Variants in CSMD3 observed in about 807,000 individuals in gnomAD.
CSMD3 encodes CUB and sushi domain-containing protein 3.
CSMD3 carries 177 observed loss-of-function variants against 435.2 expected under a neutral mutation model. The ratio of observed to expected loss-of-function variants is 0.41; its 90% CI spans 0.36 to 0.46. The LOEUF (loss-of-function observed/expected upper bound fraction) is 0.46. Ranked by LOEUF, CSMD3 falls within the 20% of genes least tolerant of loss-of-function variation. CSMD3 has a pLI of 0.34. For synonymous variants in CSMD3, 1,656 were observed against 1,520.5 expected, an observed-to-expected ratio of 1.09 and a Z score of -2.07; for missense variants, 4,265 against 4,504.6, an observed-to-expected ratio of 0.95 and a Z score of 1.52.
At chr8:112,991,851 T>C (rs1333677819) in intron 6 of CSMD3, among the ~76,000 whole-genome samples, 2 of 151,936 alleles carry the variant, frequency 1.3e-5, no homozygotes, top group Admixed American at 1.3e-4. Flanking sequence ...TACTTTCGTT[T>C]TTTTGCAAAG....
chr8:112,317,436 A>G (rs1172788263), intron 47 of CSMD3, among the ~76,000 whole-genome samples: 1 of 152,016 alleles, frequency 6.6e-6, no homozygotes, highest in Non-Finnish European at 1.5e-5. Flanking sequence ...GCTCATTGAC[A>G]TATCCTGTGT....
At chr8:113,046,824 T>C (rs1248153588) in intron 5 of CSMD3, among the ~76,000 whole-genome samples, 2 of 152,206 alleles carry the variant, frequency 1.3e-5, no homozygotes. Context: ...TCTCCAGTTC[T>C]CACACTTTAC....
intron 13 of CSMD3, among the ~76,000 whole-genome samples, chr8:112,720,186 T>C (rs899542845): frequency 5.9e-5 from 9 of 152,234 alleles, no homozygotes; most frequent in Admixed American, 4.6e-4. Flanking sequence ...GTTTATTTCT[T>C]GCTATTCTTA....
intron 6 of CSMD3, among the ~76,000 whole-genome samples, chr8:112,990,135 A>G (rs989608598): frequency 6.6e-6 from 1 of 151,932 alleles, no homozygotes; most frequent in Non-Finnish European, 1.5e-5. Flanking sequence ...TTTATACGTT[A>G]CTCAGTCCCG....
At chr8:112,647,939 T>G (rs986257745) in intron 19 of CSMD3, among the ~76,000 whole-genome samples, 4 of 152,184 alleles carry the variant, frequency 2.6e-5, no homozygotes, top group Non-Finnish European at 5.9e-5. Flanking sequence ...AGTATCAGCA[T>G]ATGGTAAAAA....
chr8:113,175,357 T>C (rs2092332492), intron 3 of CSMD3, among the ~76,000 whole-genome samples: 1 of 151,992 alleles, frequency 6.6e-6, no homozygotes, highest in Non-Finnish European at 1.5e-5. Flanking sequence ...TTTAAAAATG[T>C]AGTTTTAGGT....
At chr8:112,881,318 C>T (rs747876202) in intron 10 of CSMD3, among the ~76,000 whole-genome samples, 3 of 151,784 alleles carry the variant, frequency 2.0e-5, no homozygotes, top group Non-Finnish European at 2.9e-5. Flanking sequence ...TATTTTTAAA[C>T]GAATTAAAGG....
At chr8:113,433,452 C>G (rs950700887) in intron 1 of CSMD3, among the ~76,000 whole-genome samples, 2 of 152,172 alleles carry the variant, frequency 1.3e-5, no homozygotes. Context: ...ACACCCGCGC[C>G]CCTCTCCAGT....
At chr8:112,381,181 C>T (rs1829433404) in intron 37 of CSMD3, among the ~76,000 whole-genome samples, 1 of 143,402 alleles carries the variant, frequency 7.0e-6, no homozygotes, top group Non-Finnish European at 1.6e-5. Flanking sequence ...TATTCTATAC[C>T]AGGTCAAGTG....
At chr8:113,303,461 A>C (rs199619617) in intron 2 of CSMD3, among the ~76,000 whole-genome samples, 77 of 151,890 alleles carry the variant, frequency 5.1e-4, no homozygotes, top group Admixed American at 1.8e-3. Context: ...CAAGTCAATC[A>C]TAAGCCAAAA....
intron 28 of CSMD3, among the ~76,000 whole-genome samples, chr8:112,516,734 A>G (rs1244680822): frequency 6.6e-6 from 1 of 152,172 alleles, no homozygotes; most frequent in Admixed American, 6.6e-5. Flanking sequence ...CCACTCTTTA[A>G]GCAATGGATA....
intron 1 of CSMD3, among the ~76,000 whole-genome samples, chr8:113,321,352 T>G (rs1001689988): frequency 1.3e-5 from 2 of 152,130 alleles, no homozygotes; most frequent in Non-Finnish European, 2.9e-5. Context: ...TTCTTAAATT[T>G]CTTGAAGCTG....
intron 32 of CSMD3, among the ~76,000 whole-genome samples, chr8:112,452,712 T>C (rs551728172): frequency 6.6e-6 from 1 of 152,330 alleles, no homozygotes; most frequent in African/African-American, 2.4e-5. Flanking sequence ...CATCTGTTGC[T>C]TATTTAAATA....
chr8:112,850,689 T>C (rs1367286429), intron 11 of CSMD3, among the ~76,000 whole-genome samples: 1 of 152,218 alleles, frequency 6.6e-6, no homozygotes, highest in East Asian at 1.9e-4. Flanking sequence ...ACAGACTCAA[T>C]ACACTTCAAA....
chr8:113,190,822 T>C (rs962622975), intron 3 of CSMD3, among the ~76,000 whole-genome samples: 2 of 151,932 alleles, frequency 1.3e-5, no homozygotes, highest in East Asian at 1.9e-4. Context: ...AGGAATACTT[T>C]TGTTTCCTAA....
At chr8:113,257,686 T>C (rs2093394165) in intron 3 of CSMD3, among the ~76,000 whole-genome samples, 1 of 152,212 alleles carries the variant, frequency 6.6e-6, no homozygotes, top group Admixed American at 6.5e-5. Flanking sequence ...ACTCTTTTCA[T>C]ACTCAACATC....
At chr8:112,348,497 C>T (rs939129846) in intron 40 of CSMD3, among the ~76,000 whole-genome samples, 4 of 152,122 alleles carry the variant, frequency 2.6e-5, no homozygotes, top group Non-Finnish European at 5.9e-5. Flanking sequence ...CTAGTTTCTC[C>T]TTACAATATT....
chr8:112,372,076 A>G (rs1828450637), intron 38 of CSMD3, among the ~76,000 whole-genome samples: 1 of 152,116 alleles, frequency 6.6e-6, no homozygotes, highest in Admixed American at 6.6e-5. Context: ...TGATGGGATA[A>G]AAAAGTTCAC....
chr8:112,309,165 C>T (rs13268269), intron 50 of CSMD3, among the ~76,000 whole-genome samples: 3,934 of 151,960 alleles, frequency 0.026, 75 homozygotes, highest in Non-Finnish European at 0.042. Flanking sequence ...AAAATGACTC[C>T]ATATGTAAAT....
Sources: gnomAD v4.1 joint callset for allele counts (sites outside exome capture counted in the v4.1 genomes callset) on GRCh38, gnomAD v4.1.1 for gene constraint, MANE v1.5 for transcripts, NCBI Gene and HGNC (gene_info 2026-07-23, HGNC 2026-07-21) for gene names.